Variants in TMEM132C observed in about 807,000 individuals in gnomAD.
TMEM132C encodes the protein protein phosphatase 1, regulatory subunit 152.
TMEM132C carries 29 observed loss-of-function variants against 61.4 expected under a neutral mutation model. The observed-to-expected ratio is 0.47, with a 90% CI of 0.35 to 0.64. The LOEUF (loss-of-function observed/expected upper bound fraction) is 0.64, where lower values mean the gene tolerates loss of function less well. Ranked by LOEUF, TMEM132C falls within the 30% of genes least tolerant of loss-of-function variation. The pLI, the probability that TMEM132C is intolerant of heterozygous loss-of-function variation, is 0.00. For synonymous variants in TMEM132C, 656 were observed against 633.1 expected (o/e 1.04, Z -0.54); for missense variants, 1,408 against 1,476.9 (o/e 0.95, Z 0.76).
At chr12:128,557,185 A>T (rs1160607101) in intron 3 of TMEM132C, among the ~76,000 whole-genome samples, 1 of 152,158 alleles carries the variant, frequency 6.6e-6, no homozygotes, top group East Asian at 1.9e-4. Flanking sequence ...GACCCTTCCC[A>T]CTTCCCAGCC....
At chr12:128,690,656 C>T (rs1400915355) in intron 5 of TMEM132C, among the ~76,000 whole-genome samples, 1 of 152,164 alleles carries the variant, frequency 6.6e-6, no homozygotes, top group East Asian at 1.9e-4. Flanking sequence ...TTCCCAGATC[C>T]AGGACAGTGT....
In TMEM132C at chr12:128,707,245, A is replaced by G. The variant is rs1465924998; in HGVS notation, c.*950A>G. 4 of 152,190 alleles carry G rather than the reference A, an allele frequency of 2.6e-5. No homozygotes were observed. The East Asian group carries it at 7.7e-4, about 29-fold the overall frequency. The allele number at this position is 152,190 out of a possible 1,614,324, so 9.4% of individuals were successfully genotyped here. On this transcript the variant is annotated 3_prime_UTR_variant, in exon 9 of 9. Transcript: ENST00000435159. ...AGGAGAACAGAGCCCCACCTGGACC[A>G]CCTGACCCCTCGGGATTCCACCCCT...
chr12:128,414,251 A>G (rs1316661982), intron 1 of TMEM132C, among the ~76,000 whole-genome samples: 1 of 152,136 alleles, frequency 6.6e-6, no homozygotes. Flanking sequence ...AGAAGAAAAA[A>G]AACAGTCTAT....
At chr12:128,368,774 A>T (rs529129088) in intron 1 of TMEM132C, among the ~76,000 whole-genome samples, 1 of 152,156 alleles carries the variant, frequency 6.6e-6, no homozygotes, top group Non-Finnish European at 1.5e-5. Context: ...CACATCCAAG[A>T]CAAGCACTGC....
intron 3 of TMEM132C, among the ~76,000 whole-genome samples, chr12:128,596,584 C>T (rs1211626388): frequency 6.6e-6 from 1 of 150,614 alleles, no homozygotes; most frequent in Admixed American, 6.6e-5. Flanking sequence ...TTTTGCAGGT[C>T]CTGGTACAGA....
intron 1 of TMEM132C, among the ~76,000 whole-genome samples, chr12:128,355,223 A>G (rs1873465239): frequency 6.6e-6 from 1 of 152,174 alleles, no homozygotes; most frequent in African/African-American, 2.4e-5. Context: ...GGGGACACCA[A>G]GAGGATGAGC....
intron 1 of TMEM132C, among the ~76,000 whole-genome samples, chr12:128,303,127 A>G (rs1470126450): frequency 6.6e-6 from 1 of 152,228 alleles, no homozygotes; most frequent in Non-Finnish European, 1.5e-5. Flanking sequence ...CAGAGCATTA[A>G]TGATGCCATG....
chr12:128,415,554 A>G lies in TMEM132C; in HGVS notation c.908A>G (p.Gln303Arg). ...VIWLPSRPVK[Q>R]GEVVTAYVTI... ...TGGCTGCCTTCCAGGCCAGTCAAGC[A>G]GGGAGAGGTGGTCACGGCCTATGTC... Residue 303 changes from glutamine to arginine, a missense_variant, in exon 2 of 9, where the codon CAG becomes CGG. Coordinates refer to ENST00000435159, the MANE Select transcript of TMEM132C (RefSeq NM_001136103.3). The surrounding 1 kb of genome is among the most constrained non-coding windows in gnomAD (Gnocchi z 5.8). 6.4e-7 allele frequency: 1 copy of G among 1,551,234 alleles called. No homozygotes were observed. Among genetic ancestry groups the G allele is most frequent in the Non-Finnish European group, 8.7e-7 (1 of 1,146,928 alleles).
intron 2 of TMEM132C, among the ~76,000 whole-genome samples, chr12:128,466,667 C>T (rs1870747340): frequency 1.3e-5 from 2 of 152,184 alleles, no homozygotes; most frequent in African/African-American, 4.8e-5. Context: ...GAGTACGTGC[C>T]ACCATGCCTG....
intron 1 of TMEM132C, among the ~76,000 whole-genome samples, chr12:128,346,708 G>A (rs944554675): frequency 6.6e-6 from 1 of 152,042 alleles, no homozygotes; most frequent in Non-Finnish European, 1.5e-5. Context: ...CTTGACTGTC[G>A]ATGGCGTATA....
chr12:128,499,244 T>A (rs1381127603), intron 2 of TMEM132C, among the ~76,000 whole-genome samples: 2 of 152,196 alleles, frequency 1.3e-5, no homozygotes, highest in African/African-American at 2.4e-5. Context: ...CAATTGATTT[T>A]CTTTTTTAAA....
At chr12:128,498,281 CA>C (rs2136106631) in intron 2 of TMEM132C, among the ~76,000 whole-genome samples, 1 of 152,058 alleles carries the variant, frequency 6.6e-6, no homozygotes, top group African/African-American at 2.4e-5. Flanking sequence ...AGGTTCCAGC[CA>C]AAACATCAGG....
intron 3 of TMEM132C, among the ~76,000 whole-genome samples, chr12:128,571,248 C>G (rs899096770): frequency 6.6e-6 from 1 of 152,176 alleles, no homozygotes; most frequent in Non-Finnish European, 1.5e-5. Context: ...CTGCCTTCTA[C>G]CCTTTTTTAT....
chr12:128,482,977 C>G (rs1871362222), intron 2 of TMEM132C, among the ~76,000 whole-genome samples: 1 of 151,924 alleles, frequency 6.6e-6, no homozygotes, highest in South Asian at 2.1e-4. Context: ...GGCATGGTGA[C>G]TCATGCTTGT....
intron 3 of TMEM132C, among the ~76,000 whole-genome samples, chr12:128,549,359 G>A (rs1565971047): frequency 2.0e-5 from 3 of 152,236 alleles, no homozygotes; most frequent in South Asian, 4.2e-4. Flanking sequence ...GACATACGGG[G>A]TGGGTGAGTG....
chr12:128,604,127 A>G (rs1035410486), intron 3 of TMEM132C, among the ~76,000 whole-genome samples: 5 of 152,218 alleles, frequency 3.3e-5, no homozygotes, highest in Admixed American at 3.3e-4. Flanking sequence ...TTCCCCAGAG[A>G]CATAGAACCA....
In TMEM132C at chr12:128,392,064, T is replaced by TCTCTC. The variant is rs1555222005; in HGVS notation, c.86-22668_86-22667insCTCTC. 5.9e-3 allele frequency among the ~76,000 whole-genome samples: 769 copies of TCTCTC among 130,516 alleles called. 10 individuals are homozygous for TCTCTC. The highest frequency in any genetic ancestry group is 0.023 in the African/African-American group (718 of 30,588). 85.6% of individuals were successfully genotyped at this position (130,516 alleles called of 152,430 possible). On this transcript the variant is annotated intron_variant, in intron 1 of 8. Coordinates refer to ENST00000435159, the MANE Select transcript of TMEM132C (RefSeq NM_001136103.3). ...TCTCTCTGTCTCTGTCTCTCTCTCTTTCTCTCTCTCTCTCTCTCTCTCTCT... is the reference window on the plus strand; with the variant it reads ...TCTCTCTGTCTCTGTCTCTCTCTCTTCTCTCTCTCTCTCTCTCTCTCTCTCTCTCT...
chr12:128,292,455 A>C (rs548115687), intron 1 of TMEM132C, among the ~76,000 whole-genome samples: 3 of 152,150 alleles, frequency 2.0e-5, no homozygotes, highest in African/African-American at 7.2e-5. Flanking sequence ...TTCCAGTAGA[A>C]TGTAAGCTCC....
chr12:128,553,322 TA>T (rs1359753817), intron 3 of TMEM132C, among the ~76,000 whole-genome samples: 1 of 151,294 alleles, frequency 6.6e-6, no homozygotes. Flanking sequence ...TTATTAGGCT[TA>T]TTTTTTTAAT....
Sources: allele counts gnomAD v4.1 joint callset (sites outside exome capture counted in the v4.1 genomes callset), GRCh38; gene constraint gnomAD v4.1.1; non-coding constraint Gnocchi (gnomAD v3.1); transcripts MANE v1.5; gene names NCBI Gene and HGNC (gene_info 2026-07-23, HGNC 2026-07-21).